CEP83: variants seen among roughly 807,000 people sequenced by gnomAD.
The protein encoded by CEP83 is centrosomal protein of 83 kDa.
Under a neutral mutation model 101.9 loss-of-function variants are expected in CEP83, and 70 were observed. The observed-to-expected ratio is 0.69, with a 90% CI of 0.57 to 0.84. The LOEUF (loss-of-function observed/expected upper bound fraction) is 0.84, where lower values mean the gene tolerates loss of function less well. Among genes scored for constraint, CEP83 ranks in the 40% least tolerant of loss-of-function variants. CEP83 has a pLI of 0.00. For missense variants in CEP83, 715 were observed against 787.2 expected, an observed-to-expected ratio of 0.91 and a Z score of 1.10; for synonymous variants, 264 against 267.9, an observed-to-expected ratio of 0.99 and a Z score of 0.14.
At chr12:94,441,661 A>G (rs1004282258) in intron 1 of CEP83, among the ~76,000 whole-genome samples, 7 of 152,208 alleles carry the variant, frequency 4.6e-5, no homozygotes, top group Non-Finnish European at 1.0e-4. Flanking sequence ...CACGCCTGTA[A>G]TCCCAGCACT....
chr12:94,345,256 T>C (rs1238177553), intron 11 of CEP83, among the ~76,000 whole-genome samples: 2 of 151,946 alleles, frequency 1.3e-5, no homozygotes, highest in Non-Finnish European at 2.9e-5. Context: ...AAGAAAAAAA[T>C]TGATAAAGTG....
chr12:94,285,283 C>A, the CEP83 span, among the ~76,000 whole-genome samples: 2 of 152,190 alleles, frequency 1.3e-5, no homozygotes, highest in African/African-American at 2.4e-5. Context: ...CTGCCAGATT[C>A]TCCCCTTGCC....
intron 11 of CEP83, among the ~76,000 whole-genome samples, chr12:94,362,309 T>G (rs190441524): frequency 6.6e-6 from 1 of 152,156 alleles, no homozygotes; most frequent in African/African-American, 2.4e-5. Flanking sequence ...AAAAATAGTA[T>G]GGAAGCTCTA....
downstream of CEP83, chr12:94,307,132 T>C (rs1028309361): frequency 6.6e-6 from 1 of 152,242 alleles, no homozygotes; most frequent in African/African-American, 2.4e-5. Flanking sequence ...AGGGTGTCCC[T>C]GTCCAGCTTT....
rs77878948 is a variant in CEP83, at chr12:94,412,750, T to C, written c.-101-159A>G. On this transcript the variant is annotated intron_variant, in intron 2 of 16. Coordinates refer to ENST00000397809, the MANE Select transcript of CEP83 (RefSeq NM_016122.3). ...TGTTGCCCAGGCTAGAGTGCAATGG[T>C]GTGATCTCGGCTCACTGCAACCTCC... Among the ~76,000 whole-genome samples, 10,024 of 146,420 alleles carry C rather than the reference T, an allele frequency of 0.068. 432 individuals are homozygous for C. Among genetic ancestry groups the C allele is most frequent in the Admixed American group, 0.095 (1,363 of 14,298 alleles).
chr12:94,279,239 T>C, the CEP83 span, among the ~76,000 whole-genome samples: 1 of 152,254 alleles, frequency 6.6e-6, no homozygotes, highest in South Asian at 2.1e-4. Flanking sequence ...CTCTCAGATA[T>C]ATTTATTCAA....
At chr12:94,270,218 C>G in the CEP83 span, among the ~76,000 whole-genome samples, 1 of 152,308 alleles carries the variant, frequency 6.6e-6, no homozygotes, top group South Asian at 2.1e-4. Context: ...TTATCTAGAG[C>G]AGGGACCAGC....
At chr12:94,270,800 C>T in the CEP83 span, among the ~76,000 whole-genome samples, 1 of 151,592 alleles carries the variant, frequency 6.6e-6, no homozygotes, top group African/African-American at 2.4e-5. Context: ...GCTCTCGTTA[C>T]CCTGTCCTCC....
intron 2 of CEP83, among the ~76,000 whole-genome samples, chr12:94,432,636 C>G (rs1032418088): frequency 6.6e-6 from 1 of 152,064 alleles, no homozygotes; most frequent in Non-Finnish European, 1.5e-5. Context: ...TTAATGAATA[C>G]AGATATCCAG....
chr12:94,352,291 G>A (rs528807660), intron 11 of CEP83, among the ~76,000 whole-genome samples: 2 of 152,078 alleles, frequency 1.3e-5, no homozygotes, highest in South Asian at 4.1e-4. Flanking sequence ...TTGGTGGTGG[G>A]TGCCTGCAAT....
At chr12:94,341,248 T>TA (rs1403857285) in intron 11 of CEP83, among the ~76,000 whole-genome samples, 3 of 152,184 alleles carry the variant, frequency 2.0e-5, no homozygotes, top group Non-Finnish European at 4.4e-5. Flanking sequence ...GGTATATAAT[T>TA]AATAAAGGAT....
At chr12:94,349,637 T>C (rs1415378762) in intron 11 of CEP83, among the ~76,000 whole-genome samples, 1 of 152,152 alleles carries the variant, frequency 6.6e-6, no homozygotes, top group Non-Finnish European at 1.5e-5. Flanking sequence ...AATAAAGCCA[T>C]ATATGAAAAA....
At chr12:94,302,635 A>T (rs1410260692), downstream of CEP83, among the ~76,000 whole-genome samples, 2 of 152,216 alleles carry the variant, frequency 1.3e-5, no homozygotes, top group African/African-American at 4.8e-5. Flanking sequence ...GGTAGTTATT[A>T]TTACCCTCAT....
At chr12:94,321,898 G>A (rs1050180352) in intron 14 of CEP83, among the ~76,000 whole-genome samples, 1 of 152,144 alleles carries the variant, frequency 6.6e-6, no homozygotes, top group African/African-American at 2.4e-5. Context: ...ATAACAGTCT[G>A]GCCACTTTTC....
At chr12:94,297,212 T>C in the CEP83 span, 1 of 1,614,114 alleles carries the variant, frequency 6.2e-7, no homozygotes, top group East Asian at 2.2e-5. Context: ...GGATGACCAC[T>C]GCCATTTGGT....
At position 94,370,030 on chromosome 12, in the gene CEP83, CT is replaced by C; in HGVS notation, c.939del (p.Glu314AsnfsTer10). The part of the protein sequence containing the change: ...REINTLSSKV[K>X]ELKHSNKLEI... ...TCCAGTTTGTTTGAATGTTTAAGTT[CT>C]TTTACCTGTTGATAATTAAAAACTG... On this transcript the variant is annotated frameshift_variant, in exon 9 of 17. Transcript: ENST00000397809. LOFTEE classifies it high-confidence loss of function. The C allele has an allele frequency of 6.4e-7, 1 of 1,571,384 alleles. No individual in the cohort carries two copies. The highest frequency in any genetic ancestry group is 8.8e-7 in the Non-Finnish European group (1 of 1,142,592).
chr12:94,444,525 G>A (rs1259925057), intron 1 of CEP83, among the ~76,000 whole-genome samples: 1 of 152,218 alleles, frequency 6.6e-6, no homozygotes, highest in East Asian at 1.9e-4. Context: ...AATTAATCCT[G>A]AGAAACTAAT....
At chr12:94,282,502 T>C in the CEP83 span, 1 of 789,324 alleles carries the variant, frequency 1.3e-6, no homozygotes. Flanking sequence ...TTTCCTGGAA[T>C]GACTTGCAGA....
chr12:94,351,783 C>T (rs1366044583), intron 11 of CEP83, among the ~76,000 whole-genome samples: 8 of 152,158 alleles, frequency 5.3e-5, no homozygotes, highest in Admixed American at 4.6e-4. Context: ...GCAATTCCAC[C>T]CCACAACTGG....
Sources: gnomAD v4.1 joint callset for allele counts (sites outside exome capture counted in the v4.1 genomes callset) on GRCh38, gnomAD v4.1.1 for gene constraint, MANE v1.5 for transcripts, NCBI Gene and HGNC (gene_info 2026-07-23, HGNC 2026-07-21) for gene names.